Variants in PRH1 observed in about 807,000 individuals in gnomAD.
PRH1 encodes proline rich protein HaeIII subfamily 1.
Under a neutral mutation model 7.9 loss-of-function variants are expected in PRH1, and 7 were observed. The ratio of observed to expected loss-of-function variants is 0.89; its 90% CI spans 0.50 to 1.67. The LOEUF (loss-of-function observed/expected upper bound fraction) is 1.67, where lower values mean the gene tolerates loss of function less well. Among genes scored for constraint, PRH1 ranks in the 40% most tolerant of loss-of-function variants. The pLI, the probability that PRH1 is intolerant of heterozygous loss-of-function variation, is 0.00. For synonymous variants in PRH1, 45 were observed against 80.8 expected (o/e 0.56, Z 2.38); for missense variants, 109 against 223.6 (o/e 0.49, Z 3.27).
intron 1 of PRH1, among the ~76,000 whole-genome samples, chr12:11,151,279 T>C (rs995511352): frequency 1.3e-5 from 2 of 152,072 alleles, no homozygotes; most frequent in Non-Finnish European, 2.9e-5. Flanking sequence ...CTTGCTTTTT[T>C]TTTTTTTCAA....
chr12:10,978,469 C>T (rs1285309437), intron 1 of PRH1, among the ~76,000 whole-genome samples: 1 of 151,840 alleles, frequency 6.6e-6, no homozygotes, highest in Non-Finnish European at 1.5e-5. Flanking sequence ...AGAAAAATAA[C>T]ACCTGAAAAA....
At chr12:11,017,794 A>T (rs1271993930) in intron 1 of PRH1, among the ~76,000 whole-genome samples, 2 of 152,092 alleles carry the variant, frequency 1.3e-5, no homozygotes, top group Non-Finnish European at 2.9e-5. Flanking sequence ...TGCCGAGCAG[A>T]AACATCCTGT....
chr12:10,986,258 A>G (rs1939618578), intron 1 of PRH1: 1 of 1,614,012 alleles, frequency 6.2e-7, no homozygotes. Flanking sequence ...GTTTACACAG[A>G]GAACAGATTA....
chr12:10,883,114 G>T lies in PRH1; in HGVS notation c.65-18C>A, dbSNP rs1347825336. ...GCTGACATCTAGAAAAGAAGTACAG[G>T]ATGATGGGAAAAGTTACTTCCTGAA... On this transcript the variant is annotated intron_variant, in intron 1 of 3. Transcript: ENST00000543626. 1 of 1,612,532 alleles carries T rather than the reference G, an allele frequency of 6.2e-7. No homozygotes were observed. The highest frequency in any genetic ancestry group is 8.5e-7 in the Non-Finnish European group (1 of 1,178,618).
At chr12:11,140,369 T>G (rs1478238656) in intron 1 of PRH1, among the ~76,000 whole-genome samples, 1 of 152,086 alleles carries the variant, frequency 6.6e-6, no homozygotes. Context: ...ATTGAAAAAA[T>G]GAATGGTAGT....
chr12:10,910,027 TA>T (rs1360400896), intron 2 of PRH1, among the ~76,000 whole-genome samples: 1 of 152,042 alleles, frequency 6.6e-6, no homozygotes, highest in Non-Finnish European at 1.5e-5. Flanking sequence ...TTAAAAGTGA[TA>T]AAAAAACAAA....
At chr12:10,987,111 C>T (rs746945230) in intron 1 of PRH1, among the ~76,000 whole-genome samples, 2 of 152,072 alleles carry the variant, frequency 1.3e-5, no homozygotes, top group South Asian at 2.1e-4. Flanking sequence ...ATTCAATGTC[C>T]GTTCTTGTGA....
intron 1 of PRH1, among the ~76,000 whole-genome samples, chr12:11,128,301 A>G (rs1420595600): frequency 6.6e-6 from 1 of 152,112 alleles, no homozygotes; most frequent in African/African-American, 2.4e-5. Context: ...TCAGTCTCCA[A>G]TCCTGGATTT....
At chr12:10,900,301 TTA>T (rs1949705349) in intron 2 of PRH1, among the ~76,000 whole-genome samples, 1 of 152,158 alleles carries the variant, frequency 6.6e-6, no homozygotes, top group Admixed American at 6.5e-5. Flanking sequence ...GGAGAAAGGC[TTA>T]GAGACATTGT....
chr12:11,131,989 A>T (rs1488764375), intron 1 of PRH1, among the ~76,000 whole-genome samples: 1 of 152,164 alleles, frequency 6.6e-6, no homozygotes, highest in Non-Finnish European at 1.5e-5. Flanking sequence ...CTCTTCTTTT[A>T]TGGTTCTTAC....
intron 2 of PRH1, chr12:10,909,269 A>C: frequency 6.2e-7 from 1 of 1,613,244 alleles, no homozygotes; most frequent in East Asian, 2.2e-5. Context: ...TTATTACAAG[A>C]GTGAAGATAC....
At chr12:11,088,633 T>C (rs1171566069) in intron 1 of PRH1, among the ~76,000 whole-genome samples, 1 of 113,240 alleles carries the variant, frequency 8.8e-6, no homozygotes, top group Non-Finnish European at 2.1e-5. Flanking sequence ...TATTGGGATT[T>C]TGGAGACAAC....
At chr12:10,946,156 T>G (rs1294703969) in intron 2 of PRH1, among the ~76,000 whole-genome samples, 1 of 152,202 alleles carries the variant, frequency 6.6e-6, no homozygotes, top group Non-Finnish European at 1.5e-5. Flanking sequence ...AAGACAGGCA[T>G]AGGAAATCAC....
At chr12:11,066,622 T>A (rs1277261608) in intron 1 of PRH1, among the ~76,000 whole-genome samples, 1 of 119,468 alleles carries the variant, frequency 8.4e-6, no homozygotes, top group Non-Finnish European at 2.0e-5. Context: ...AAATATATCA[T>A]TTAATGAGAT....
At chr12:10,938,611 A>G in intron 2 of PRH1, 1 of 1,613,934 alleles carries the variant, frequency 6.2e-7, no homozygotes, top group South Asian at 1.1e-5. Flanking sequence ...AGATGAGGAG[A>G]AGAAACATTG....
rs772194741 is a variant in PRH1, at chr12:10,986,596, C to A, written c.-125-12875G>T. On this transcript the variant is annotated intron_variant, in intron 1 of 3. Coordinates refer to the PRH1 transcript ENST00000539853. ...CACATGCTGAAATGGTTGGTTACAA[C>A]CCAGGCATTATAAGAAGTAATTCTT... is the stretch of plus-strand genomic sequence containing the variant. The A allele has an allele frequency of 6.2e-6, 10 of 1,613,866 alleles. No individual in the cohort carries two copies. In the East Asian group the frequency reaches 1.8e-4, roughly 29 times the overall value.
chr12:10,922,414 T>C (rs1288395744), intron 2 of PRH1, among the ~76,000 whole-genome samples: 2 of 152,342 alleles, frequency 1.3e-5, no homozygotes, highest in East Asian at 3.9e-4. Flanking sequence ...TGTTCATCTT[T>C]TTCTCAGTTA....
intron 2 of PRH1, among the ~76,000 whole-genome samples, chr12:10,929,900 G>A (rs1405802985): frequency 1.3e-5 from 2 of 152,136 alleles, no homozygotes; most frequent in African/African-American, 2.4e-5. Context: ...GGCTATGTCT[G>A]GTGGCTCCTG....
chr12:10,883,585 G>T (rs1366224206), intron 1 of PRH1, among the ~76,000 whole-genome samples: 1 of 152,162 alleles, frequency 6.6e-6, no homozygotes, highest in Non-Finnish European at 1.5e-5. Context: ...CTCAACAGGA[G>T]CCACCAGACA....
Sources: gnomAD v4.1 joint callset for allele counts (sites outside exome capture counted in the v4.1 genomes callset) on GRCh38, gnomAD v4.1.1 for gene constraint, MANE v1.5 for transcripts, NCBI Gene and HGNC (gene_info 2026-07-23, HGNC 2026-07-21) for gene names.